The following RBM33 variants were observed in gnomAD, a reference collection of about 807,000 sequenced individuals.
RBM33 encodes the protein RNA-binding protein 33.
RBM33 carries 28 observed loss-of-function variants against 132.6 expected under a neutral mutation model. That is an observed-to-expected ratio of 0.21 (90% CI 0.16 to 0.29). RBM33 has a LOEUF of 0.29. Ranked by LOEUF, RBM33 falls within the 10% of genes least tolerant of loss-of-function variation. The pLI is 1.00. For synonymous variants in RBM33, 634 were observed against 593.0 expected (o/e 1.07, Z -1.01); for missense variants, 1,291 against 1,518.5 (o/e 0.85, Z 2.49).
In RBM33 at chr7:155,780,471, T is replaced by G. The variant is rs1802779091; in HGVS notation, c.*5430T>G. 1.3e-5 allele frequency: 2 copies of G among 152,312 alleles called. No homozygotes were observed. The highest frequency in any genetic ancestry group is 1.3e-4 in the Admixed American group (2 of 15,286). 9.4% of individuals were successfully genotyped at this position (152,312 alleles called of 1,614,324 possible). On this transcript the variant is annotated 3_prime_UTR_variant, in exon 18 of 18. Coordinates refer to ENST00000401878, the MANE Select transcript of RBM33 (RefSeq NM_053043.3). ...ATTCTGTTTGCTCCACGTGCCTGCTTCTTGCTACTGTTCATTTAGTAATGG... is the reference window on the plus strand; with the variant it reads ...ATTCTGTTTGCTCCACGTGCCTGCTGCTTGCTACTGTTCATTTAGTAATGG...
chr7:155,673,800 A>ACACACACACAC (rs369078260), intron 3 of RBM33, among the ~76,000 whole-genome samples: 1 of 141,858 alleles, frequency 7.0e-6, no homozygotes, highest in Non-Finnish European at 1.5e-5. Flanking sequence ...ACACACACAC[A>ACACACACACAC]CCCCTACCAG....
intron 5 of RBM33, among the ~76,000 whole-genome samples, chr7:155,687,120 T>A (rs567275701): frequency 4.0e-4 from 61 of 152,352 alleles, no homozygotes; most frequent in African/African-American, 1.3e-3. Flanking sequence ...TTCCTATTTG[T>A]CCACATCCTC....
At chr7:155,764,075 T>G in intron 15 of RBM33, 57 bp downstream of exon 15, 2 of 1,328,020 alleles carry the variant, frequency 1.5e-6, no homozygotes. Flanking sequence ...TGTGAGGCAG[T>G]GTTCAGACGT....
intron 8 of RBM33, among the ~76,000 whole-genome samples, chr7:155,714,806 G>A (rs921663411): frequency 6.6e-5 from 10 of 152,170 alleles, no homozygotes; most frequent in Non-Finnish European, 1.5e-4. Context: ...TTCAAGTGCA[G>A]GGGATTGGCC....
chr7:155,683,599 A>C (rs1362635867), intron 5 of RBM33, among the ~76,000 whole-genome samples: 1 of 152,218 alleles, frequency 6.6e-6, no homozygotes, highest in Non-Finnish European at 1.5e-5. Context: ...CGAGGTCCAG[A>C]GACATCAATA....
In RBM33 at chr7:155,740,008, G is replaced by C; in HGVS notation, c.2031G>C (p.Gln677His). The stretch of plus-strand genomic sequence containing the variant: ...GCAGCAGCCGGATGCAGTGCCCCCA[G>C]CGCCAGGGGCTCCGGCATGTAAGTG... ...QASSSRMQCPQRQGLRHNTTS... is the reference protein window; with the variant it reads ...QASSSRMQCPHRQGLRHNTTS... The change falls in exon 12 of 18, where the codon CAG becomes CAC. Residue 677 changes from glutamine (Q) to histidine (H), a missense_variant. Physicochemically the swap from Gln to His is conservative, Grantham distance 24. Transcript: ENST00000401878. 1.3e-6 allele frequency: 2 copies of C among 1,553,592 alleles called. No homozygotes were observed. The highest frequency in any genetic ancestry group is 1.7e-6 in the Non-Finnish European group (2 of 1,145,224).
intron 13 of RBM33, among the ~76,000 whole-genome samples, chr7:155,744,078 A>G (rs1466701995): frequency 6.6e-6 from 1 of 152,246 alleles, no homozygotes; most frequent in Admixed American, 6.5e-5. Flanking sequence ...CCAGGGCACC[A>G]GCCGACTCCT....
In RBM33 at chr7:155,673,703, T is replaced by TGTATATATATACACACGTATATAC. The variant is rs1799051061; in HGVS notation, c.171+788_171+789insGTATATATATACACACGTATATAC. On this transcript the variant is annotated intron_variant, in intron 3 of 17. Coordinates refer to ENST00000401878, the MANE Select transcript of RBM33 (RefSeq NM_053043.3). ...GTATATATATACACACATATATACATACACACGTGTATATATATACACACA... is the reference window on the plus strand; with the variant it reads ...GTATATATATACACACATATATACATGTATATATATACACACGTATATACACACACGTGTATATATATACACACA... 1.6e-5 allele frequency among the ~76,000 whole-genome samples: 2 copies of TGTATATATATACACACGTATATAC among 127,594 alleles called. 1 individual carries two copies. The highest frequency in any genetic ancestry group is 7.3e-5 in the African/African-American group (2 of 27,522). 83.7% of individuals were successfully genotyped at this position (127,594 alleles called of 152,430 possible).
At chr7:155,736,878 G>A (rs761927285) in intron 9 of RBM33, among the ~76,000 whole-genome samples, 8 of 152,104 alleles carry the variant, frequency 5.3e-5, no homozygotes, top group South Asian at 4.1e-4. Flanking sequence ...ATATTCTTGC[G>A]TTATAATGAC....
Position 155,780,935 on chromosome 7 carries a change from G to C in RBM33, c.*5894G>C, listed in dbSNP as rs966783990. 2.0e-5 allele frequency: 3 copies of C among 152,780 alleles called. No individual in the cohort carries two copies. The highest frequency in any genetic ancestry group is 4.4e-5 in the Non-Finnish European group (3 of 68,082). The allele number at this position is 152,780 out of a possible 1,614,324, so 9.5% of individuals were successfully genotyped here. On this transcript the variant is annotated 3_prime_UTR_variant, in exon 18 of 18. Transcript: ENST00000401878. ...GATTCAAAGATGCCGGCGTCCCGCA[G>C]TGTGCGGTTCGTGCCCTTAACCACC...
chr7:155,772,240 C>A (rs1802451209), intron 16 of RBM33, among the ~76,000 whole-genome samples: 1 of 152,138 alleles, frequency 6.6e-6, no homozygotes, highest in African/African-American at 2.4e-5. Context: ...ACCCCGGAGG[C>A]ACGGCTGCAG....
chr7:155,654,098 T>TA (rs1043144156), intron 1 of RBM33, among the ~76,000 whole-genome samples: 8 of 152,220 alleles, frequency 5.3e-5, no homozygotes, highest in African/African-American at 1.9e-4. Context: ...TGCAGCATTT[T>TA]AAAAACCAAA....
At chr7:155,657,702 A>G (rs1306597881) in intron 1 of RBM33, among the ~76,000 whole-genome samples, 1 of 152,202 alleles carries the variant, frequency 6.6e-6, no homozygotes, top group African/African-American at 2.4e-5. Context: ...AATGTCTGCC[A>G]TGGATGATTG....
In RBM33 at chr7:155,745,729, T is replaced by G; in HGVS notation, c.2979+127T>G. ...CTGTTATAGTCTTGTAACCAATCTC[T>G]ACCTACTTGAAGTTGGTATAAGAAT... On this transcript the variant is annotated intron_variant, in intron 14 of 17. Transcript: ENST00000401878. This position sits in a 1 kb window ranked among gnomAD's most constrained non-coding sequence, Gnocchi z 4.1. 5.7e-5 allele frequency: 52 copies of G among 915,796 alleles called. No homozygotes were observed. Among genetic ancestry groups the G allele is most frequent in the Non-Finnish European group, 7.9e-5 (49 of 617,852 alleles). 56.7% of individuals were successfully genotyped at this position (915,796 alleles called of 1,614,324 possible).
At chr7:155,765,203 C>T (rs1027071120) in intron 15 of RBM33, among the ~76,000 whole-genome samples, 3 of 152,104 alleles carry the variant, frequency 2.0e-5, no homozygotes, top group Non-Finnish European at 4.4e-5. Context: ...TAAGAAGATG[C>T]ATTTAAAAAA....
At position 155,719,080 on chromosome 7, in the gene RBM33, T is replaced by TAA. The variant is rs1159356352; in HGVS notation, c.1260+638_1260+639dup. Among the ~76,000 whole-genome samples the TAA allele has an allele frequency of 2.0e-5, 3 of 152,188 alleles. No homozygotes were observed. The East Asian group carries it at 5.8e-4, about 29-fold the overall frequency. ...GTTTTAGGTAGAAGAAAAAGCCCAT[T>TAA]AACTAGTTATATTTGTTTAAATATA... On this transcript the variant is annotated intron_variant, in intron 9 of 17. Transcript: ENST00000401878.
At position 155,737,654 on chromosome 7, in the gene RBM33, T is replaced by C. The variant is rs746823640; in HGVS notation, c.1385T>C (p.Phe462Ser). The C allele has an allele frequency of 6.3e-7, 1 of 1,589,740 alleles. No individual in the cohort carries two copies. Among genetic ancestry groups the C allele is most frequent in the Non-Finnish European group, 8.5e-7 (1 of 1,171,340 alleles). ...CCGCCTCAGGATCGAGACCCTTTCT[T>C]CTTAGGAGGTACAGAAAGAGTGAGT... ...PPPPQDRDPF[F>S]LGVSGEPRFP... Residue 462 changes from phenylalanine to serine, a missense_variant, in exon 10 of 18, where the codon TTC (phenylalanine) becomes TCC (serine). Transcript: ENST00000401878.
chr7:155,661,666 C>G (rs1798654217), intron 1 of RBM33, among the ~76,000 whole-genome samples: 1 of 152,146 alleles, frequency 6.6e-6, no homozygotes, highest in Non-Finnish European at 1.5e-5. Context: ...CCTTGGCCTC[C>G]CAAAGTGCTG....
chr7:155,668,408 CCT>C (rs1294206970), intron 2 of RBM33, among the ~76,000 whole-genome samples: 2 of 152,042 alleles, frequency 1.3e-5, no homozygotes, highest in African/African-American at 4.8e-5. Flanking sequence ...GATTGCACTC[CCT>C]GAGGTGTTTT....
Sources: allele counts gnomAD v4.1 joint callset (sites outside exome capture counted in the v4.1 genomes callset), GRCh38; gene constraint gnomAD v4.1.1; non-coding constraint Gnocchi (gnomAD v3.1); transcripts MANE v1.5; gene names NCBI Gene and HGNC (gene_info 2026-07-23, HGNC 2026-07-21).